Variants in OAS3 observed in about 807,000 individuals in gnomAD.
The protein encoded by OAS3 is 2'-5'-oligoadenylate synthase 3.
In OAS3, 107 loss-of-function variants were observed where a neutral mutation model predicts 113.0. The ratio of observed to expected loss-of-function variants is 0.95; its 90% CI spans 0.81 to 1.11. The LOEUF (loss-of-function observed/expected upper bound fraction) is 1.11, where lower values mean the gene tolerates loss of function less well. OAS3 is among the 50% of genes most tolerant of loss of function. The pLI, the probability that OAS3 is intolerant of heterozygous loss-of-function variation, is 0.00. For missense variants in OAS3, 1,258 were observed against 1,389.1 expected (o/e 0.91, Z 1.50); for synonymous variants, 552 against 573.6 (o/e 0.96, Z 0.54).
At position 112,941,573 on chromosome 12, in the gene OAS3, G is replaced by A. The variant is rs781058543; in HGVS notation, c.181G>A (p.Gly61Ser). Residue 61 changes from glycine to serine, a missense_variant, in exon 2 of 16, where the codon GGC (glycine) becomes AGC (serine). Coordinates refer to ENST00000228928, the MANE Select transcript of OAS3 (RefSeq NM_006187.4). ...APRVLKTVKGGSSGRGTALKG... is the reference protein window; with the variant it reads ...APRVLKTVKGSSSGRGTALKG... ...TGAGTTATTTTTCTTTGCCCAGGGAGGCTCCTCGGGCCGGGGCACAGCTCT... is the reference window on the plus strand; with the variant it reads ...TGAGTTATTTTTCTTTGCCCAGGGAAGCTCCTCGGGCCGGGGCACAGCTCT... 2 of 1,610,902 alleles carry A rather than the reference G, an allele frequency of 1.2e-6. No individual in the cohort carries two copies. The highest frequency in any genetic ancestry group is 1.7e-5 in the Admixed American group (1 of 59,902).
chr12:112,962,733 G>T lies in OAS3; in HGVS notation c.1915G>T (p.Ala639Ser), dbSNP rs777173516. 4.3e-6 allele frequency: 7 copies of T among 1,613,830 alleles called. No individual in the cohort carries two copies. The South Asian group carries it at 7.7e-5, about 18-fold the overall frequency. Residue 639 changes from alanine to serine, a missense_variant, in exon 9 of 16, where the codon GCC becomes TCC. Coordinates refer to ENST00000228928, the MANE Select transcript of OAS3 (RefSeq NM_006187.4). ...TGCCCTGGAGCTCCTCACCATCTTT[G>T]CCTGGGAGCAGGGCTGCAGGCAGGA... The part of the protein sequence containing the change: ...AYALELLTIF[A>S]WEQGCRQDCF...
At chr12:112,967,741 C>T (rs2043948567) in intron 13 of OAS3, 148 bp downstream of exon 13, 2 of 1,069,662 alleles carry the variant, frequency 1.9e-6, no homozygotes, top group Non-Finnish European at 2.7e-6. Flanking sequence ...GCTGTGGGAC[C>T]TTAGTTTTCT....
At chr12:112,956,964 G>A (rs2043840783) in intron 7 of OAS3, among the ~76,000 whole-genome samples, 1 of 152,146 alleles carries the variant, frequency 6.6e-6, no homozygotes, top group African/African-American at 2.4e-5. Flanking sequence ...ATTATTGTGT[G>A]GGAGTCTAAG....
Position 112,961,231 on chromosome 12 carries a change from G to A in OAS3, c.1818G>A (p.Lys606=). Residue 606 remains lysine, a synonymous_variant, in exon 8 of 16, where the codon AAG becomes AAA. Transcript: ENST00000228928. ...TGAAGAACCTGATTCTGCTGGTGAAGCACTGGTACCGCCAGGTGAGTTGCC... is the reference window on the plus strand; with the variant it reads ...TGAAGAACCTGATTCTGCTGGTGAAACACTGGTACCGCCAGGTGAGTTGCC... ...VKLKNLILLV[K]HWYRQVAAQN... 6.2e-7 allele frequency: 1 copy of A among 1,613,978 alleles called. No individual in the cohort carries two copies. Among genetic ancestry groups the A allele is most frequent in the African/African-American group, 1.3e-5 (1 of 75,068 alleles).
In OAS3 at chr12:112,961,054, G is replaced by A; in HGVS notation, c.1658-17G>A. 6.2e-7 allele frequency: 1 copy of A among 1,611,614 alleles called. No homozygotes were observed. The highest frequency in any genetic ancestry group is 8.5e-7 in the Non-Finnish European group (1 of 1,178,890). The stretch of plus-strand genomic sequence containing the variant: ...TCAATTGGAGTTGCACACTCAGGGT[G>A]TTTCAAACTTCTACAGGGCAGCTCA... On this transcript the variant is annotated splice_polypyrimidine_tract_variant and intron_variant, in intron 7 of 15. Transcript: ENST00000228928.
chr12:112,958,781 A>T (rs1458299871), intron 7 of OAS3, among the ~76,000 whole-genome samples: 1 of 152,204 alleles, frequency 6.6e-6, no homozygotes, highest in East Asian at 1.9e-4. Context: ...CAGTTAGGCT[A>T]CTCGGGGGTC....
At position 112,962,788 on chromosome 12, in the gene OAS3, C is replaced by T. The variant is rs200778728; in HGVS notation, c.1970C>T (p.Thr657Met). The T allele has an allele frequency of 5.1e-5, 83 of 1,613,920 alleles. No individual in the cohort carries two copies. The highest frequency in any genetic ancestry group is 6.7e-5 in the African/African-American group (5 of 74,922). ...DCFNMAQGFR[T>M]VLGLVQQHQQ... Reference sequence around the variant, plus strand: ...TTCAACATGGCCCAAGGCTTCCGGACGGTGCTGGGGCTCGTGCAACAGCAT... The same window carrying T: ...TTCAACATGGCCCAAGGCTTCCGGATGGTGCTGGGGCTCGTGCAACAGCAT... The change falls in exon 9 of 16, where the codon ACG becomes ATG. Residue 657 changes from threonine to methionine, a missense_variant. By Grantham distance (81) the Thr-to-Met change is moderately conservative (BLOSUM62 -1). Transcript: ENST00000228928.
Position 112,938,717 on chromosome 12 carries a change from C to T in OAS3, c.177+10C>T, listed in dbSNP as rs1449165562. The T allele has an allele frequency of 1.3e-6, 2 of 1,526,914 alleles. No individual in the cohort carries two copies. The highest frequency in any genetic ancestry group is 5.0e-5 in the East Asian group (2 of 40,000). The allele number at this position is 1,526,914 out of a possible 1,614,324, so 94.6% of individuals were successfully genotyped here. A position where few individuals can be genotyped will look rare whatever the true frequency, so the allele number is the denominator to read the frequency against. ...GCTGAAAACTGTCAAGGTGAGGTCCCACCTCGGGGTCTTTATGTGTCCAAA... is the reference window on the plus strand; with the variant it reads ...GCTGAAAACTGTCAAGGTGAGGTCCTACCTCGGGGTCTTTATGTGTCCAAA... On this transcript the variant is annotated intron_variant, in intron 1 of 15. Transcript: ENST00000228928.
chr12:112,964,685 G>T (rs536184663), intron 11 of OAS3, among the ~76,000 whole-genome samples: 11 of 151,960 alleles, frequency 7.2e-5, no homozygotes, highest in African/African-American at 2.4e-4. Flanking sequence ...GCTGCTTACC[G>T]GCATAGCTAG....
Position 112,947,997 on chromosome 12 carries a change from A to T in OAS3, c.927A>T (p.Ala309=). The change falls in exon 5 of 16, where the codon GCA becomes GCT. Residue 309 remains alanine (A), a synonymous_variant. Coordinates refer to ENST00000228928, the MANE Select transcript of OAS3 (RefSeq NM_006187.4). ...CCACATGGGACCTGGGGAATGGGGC[A>T]GCCTGGCACTGGGATTTGCTAGCCC... ...ADPTWDLGNG[A]AWHWDLLAQE... 6.2e-7 allele frequency: 1 copy of T among 1,603,796 alleles called. No homozygotes were observed. The highest frequency in any genetic ancestry group is 8.5e-7 in the Non-Finnish European group (1 of 1,175,316).
In OAS3 at chr12:112,946,903, G is replaced by T. The variant is rs567841595; in HGVS notation, c.797G>T (p.Cys266Phe). Residue 266 changes from cysteine to phenylalanine, a missense_variant, in exon 4 of 16, where the codon TGT becomes TTT. Transcript: ENST00000228928. ...LGLIQQHQHLCVFWTVNYGFE... is the reference protein window; with the variant it reads ...LGLIQQHQHLFVFWTVNYGFE... ...CTGATCCAACAGCATCAGCACCTGT[G>T]TGTTTTCTGGACTGTCAACTATGGC... The T allele has an allele frequency of 6.2e-7, 1 of 1,614,090 alleles. No individual in the cohort carries two copies. Among genetic ancestry groups the T allele is most frequent in the African/African-American group, 1.3e-5 (1 of 75,074 alleles).
intron 5 of OAS3, 130 bp from the exon 6 acceptor site, chr12:112,948,731 C>T (rs1341771778): frequency 8.4e-6 from 6 of 716,222 alleles, no homozygotes; most frequent in Admixed American, 2.9e-5. Flanking sequence ...TAGCCATGGC[C>T]CTCCCACTTC....
chr12:112,943,140 G>A (rs1347978972), intron 2 of OAS3, among the ~76,000 whole-genome samples: 1 of 151,978 alleles, frequency 6.6e-6, no homozygotes, highest in African/African-American at 2.4e-5. Flanking sequence ...TCACCATGTT[G>A]TCTAGGCTGG....
rs1323987092 is a variant in OAS3, at chr12:112,944,495, C to T, written c.480C>T (p.Val160=). The change falls in exon 3 of 16, where the codon GTC becomes GTT. Residue 160 remains valine, a synonymous_variant. Coordinates refer to ENST00000228928, the MANE Select transcript of OAS3 (RefSeq NM_006187.4). ...FNVLGQAGSG[V]KPKPQVYSTL... ...CAACAGGTCAGGCCGGCTCCGGCGT[C>T]AAACCCAAGCCACAAGTCTACTCTA... 6.2e-7 allele frequency: 1 copy of T among 1,614,070 alleles called. No individual in the cohort carries two copies. Among genetic ancestry groups the T allele is most frequent in the South Asian group, 1.1e-5 (1 of 91,090 alleles).
Position 112,961,083 on chromosome 12 carries a change from C to A in OAS3, c.1670C>A (p.Ser557Tyr). The stretch of plus-strand genomic sequence containing the variant: ...CAAACTTCTACAGGGCAGCTCAGTT[C>A]TGGCACCAAACCAAATCCCCAGGTC... ...PAFDAVGQLS[S>Y]GTKPNPQVYS... is the part of the protein sequence containing the mutation. The change falls in exon 8 of 16, where the codon TCT becomes TAT. Residue 557 changes from serine (S) to tyrosine (Y), a missense_variant. Ser to Tyr is a moderately radical substitution (Grantham distance 144). Coordinates refer to ENST00000228928, the MANE Select transcript of OAS3 (RefSeq NM_006187.4). The A allele has an allele frequency of 1.9e-6, 3 of 1,613,446 alleles. No homozygotes were observed. Among genetic ancestry groups the A allele is most frequent in the Non-Finnish European group, 2.5e-6 (3 of 1,179,690 alleles).
In OAS3 at chr12:112,962,786, G is replaced by A. The variant is rs1386380989; in HGVS notation, c.1968G>A (p.Arg656=). 1 of 1,613,932 alleles carries A rather than the reference G, an allele frequency of 6.2e-7. No homozygotes were observed. The highest frequency in any genetic ancestry group is 1.3e-5 in the African/African-American group (1 of 74,936). ...GTTTCAACATGGCCCAAGGCTTCCG[G>A]ACGGTGCTGGGGCTCGTGCAACAGC... ...QDCFNMAQGF[R]TVLGLVQQHQ... Residue 656 remains arginine (R), a synonymous_variant, in exon 9 of 16, where the codon CGG becomes CGA. Transcript: ENST00000228928.
At position 112,951,839 on chromosome 12, in the gene OAS3, CAAAAAAA is replaced by C. The variant is rs3038125; in HGVS notation, c.1657+882_1657+888del. 1.8e-3 allele frequency among the ~76,000 whole-genome samples: 194 copies of C among 105,712 alleles called. 2 individuals carry two copies. The highest frequency in any genetic ancestry group is 0.016 in the South Asian group (51 of 3,230). 69.4% of individuals were successfully genotyped at this position (105,712 alleles called of 152,430 possible). ...TGAAACCCCATCTCCACTAAAAATA[CAAAAAAA>C]AAAAAAAAAAAAAAAAATAGCCTGG... is the stretch of plus-strand genomic sequence containing the variant. On this transcript the variant is annotated intron_variant, in intron 7 of 15. Coordinates refer to ENST00000228928, the MANE Select transcript of OAS3 (RefSeq NM_006187.4).
Position 112,946,592 on chromosome 12 carries a change from G to C in OAS3, c.637-151G>C, listed in dbSNP as rs888783636. The stretch of plus-strand genomic sequence containing the variant: ...TGGCTGAAGCTACCAGTGAGGGCTG[G>C]TGAGAAATGCCACTTGTTCTTGGAA... On this transcript the variant is annotated intron_variant, in intron 3 of 15. Coordinates refer to ENST00000228928, the MANE Select transcript of OAS3 (RefSeq NM_006187.4). 3.0e-5 allele frequency: 20 copies of C among 671,928 alleles called. No homozygotes were observed. The South Asian group carries it at 3.0e-4, about 10-fold the overall frequency. The allele number at this position is 671,928 out of a possible 1,614,324, so 41.6% of individuals were successfully genotyped here.
rs1056159860 is a variant in OAS3 at position 112,946,921 on chromosome 12, A to G, written c.815A>G (p.Asn272Ser). Residue 272 changes from asparagine (N) to serine (S), a missense_variant, in exon 4 of 16, where the codon AAC (asparagine) becomes AGC (serine). Physicochemically the swap from Asn to Ser is conservative, Grantham distance 46. Transcript: ENST00000228928. ...CACCTGTGTGTTTTCTGGACTGTCA[A>G]CTATGGCTTCGAGGACCCTGCAGTT... ...HQHLCVFWTVNYGFEDPAVGQ... is the reference protein window; with the variant it reads ...HQHLCVFWTVSYGFEDPAVGQ... 7 of 1,614,012 alleles carry G rather than the reference A, an allele frequency of 4.3e-6. No individual in the cohort carries two copies. Among genetic ancestry groups the G allele is most frequent in the Non-Finnish European group, 5.9e-6 (7 of 1,179,888 alleles).
Sources: gnomAD v4.1 joint callset for allele counts (sites outside exome capture counted in the v4.1 genomes callset) on GRCh38, gnomAD v4.1.1 for gene constraint, MANE v1.5 for transcripts, NCBI Gene and HGNC (gene_info 2026-07-23, HGNC 2026-07-21) for gene names.